The following ZZEF1 variants were observed in gnomAD, a reference collection of about 807,000 sequenced individuals.
The protein encoded by ZZEF1 is zinc finger ZZ-type and EF-hand domain containing 1.
A neutral mutation model predicts 342.8 loss-of-function variants in ZZEF1; 157 were observed. The ratio of observed to expected loss-of-function variants is 0.46; its 90% CI spans 0.40 to 0.52. The LOEUF is 0.52. Among genes scored for constraint, ZZEF1 ranks in the 20% least tolerant of loss-of-function variants. ZZEF1 has a pLI of 0.00. For missense variants in ZZEF1, 3,480 were observed against 3,725.6 expected (o/e 0.93, Z 1.72); for synonymous variants, 1,505 against 1,429.1 (o/e 1.05, Z -1.20).
chr17:4,090,857 CATTTT>C, intron 11 of ZZEF1, 27 bp from the exon 12 acceptor site: 2 of 1,582,532 alleles, frequency 1.3e-6, no homozygotes, highest in Middle Eastern at 1.7e-4. Flanking sequence ...ATTCACAAAA[CATTTT>C]ATTTTGAAAC....
At chr17:4,118,344 C>A (rs777634819) in intron 2 of ZZEF1, among the ~76,000 whole-genome samples, 2 of 152,126 alleles carry the variant, frequency 1.3e-5, no homozygotes, top group East Asian at 3.8e-4. Flanking sequence ...TCAGTTTCTA[C>A]CAAGGCCCGG....
chr17:4,087,589 T>C, intron 13 of ZZEF1, 55 bp from the exon 14 acceptor site: 2 of 1,436,900 alleles, frequency 1.4e-6, no homozygotes, highest in Non-Finnish European at 1.9e-6. Flanking sequence ...TTTAGAGAAA[T>C]ACTGTAATGC....
In ZZEF1 at chr17:4,017,923, A is replaced by G. The variant is rs752375926; in HGVS notation, c.7554T>C (p.Ala2518=). 4 of 1,614,020 alleles carry G rather than the reference A, an allele frequency of 2.5e-6. No homozygotes were observed. The South Asian group carries it at 4.4e-5, about 18-fold the overall frequency. Residue 2518 remains alanine, a synonymous_variant, in exon 47 of 55, where the codon GCT becomes GCC. Transcript: ENST00000381638. This position sits in a 1 kb window ranked among gnomAD's most constrained non-coding sequence, Gnocchi z 5.1. ...LTTDERIRSL[A]QRWQPSKSLR... is the part of the protein sequence containing the mutation. ...GACTCTTACTGGGCTGCCACCGCTGAGCCAGGGACCGTATCCTTTCATCTG... is the reference window on the plus strand; with the variant it reads ...GACTCTTACTGGGCTGCCACCGCTGGGCCAGGGACCGTATCCTTTCATCTG...
chr17:4,091,689 A>G (rs1312983647), intron 11 of ZZEF1, among the ~76,000 whole-genome samples: 1 of 151,962 alleles, frequency 6.6e-6, no homozygotes, highest in East Asian at 1.9e-4. Flanking sequence ...AGGCAGGGGA[A>G]TCACTTGAAC....
chr17:4,044,558 C>T (rs979131667), intron 37 of ZZEF1, among the ~76,000 whole-genome samples, 184 bp from the exon 38 acceptor site: 1 of 152,080 alleles, frequency 6.6e-6, no homozygotes, highest in South Asian at 2.1e-4. Context: ...CTCACTCTGT[C>T]ACCAGGCTAG....
rs2144961115 is a variant in ZZEF1, at chr17:4,017,713, A to G, written c.7659T>C (p.Cys2553=). Reference sequence around the variant, plus strand: ...GGTTCGATTCAGCAGTGGCTTGGTCACAGCGTGCAGGCCGGGACTGCAAAC... The same window carrying G: ...GGTTCGATTCAGCAGTGGCTTGGTCGCAGCGTGCAGGCCGGGACTGCAAAC... ...ILPCLSRPAR[C]DQATAESNPV... Residue 2553 remains cysteine (C), a synonymous_variant, in exon 48 of 55, where the codon TGT becomes TGC. Transcript: ENST00000381638. This position sits in a 1 kb window ranked among gnomAD's most constrained non-coding sequence, Gnocchi z 5.1. The G allele has an allele frequency of 1.9e-6, 3 of 1,613,056 alleles. No homozygotes were observed. The highest frequency in any genetic ancestry group is 1.7e-6 in the Non-Finnish European group (2 of 1,179,718).
At chr17:4,136,863 G>A (rs751331431) in intron 1 of ZZEF1, among the ~76,000 whole-genome samples, 3 of 151,862 alleles carry the variant, frequency 2.0e-5, no homozygotes, top group Admixed American at 1.3e-4. Flanking sequence ...TTTGCCAGGC[G>A]AATTCTTCCA....
At chr17:4,052,171 T>G in intron 34 of ZZEF1, 35 bp from the exon 35 acceptor site, 1 of 1,571,714 alleles carries the variant, frequency 6.4e-7, no homozygotes, top group Non-Finnish European at 8.6e-7. Flanking sequence ...GGGGATGAGG[T>G]AGAGGGCTCC....
In ZZEF1 at chr17:4,008,398, TTTGC is replaced by T; in HGVS notation, c.8805+481_8805+484del. 2 of 430,938 alleles carry T rather than the reference TTTGC, an allele frequency of 4.6e-6. No individual in the cohort carries two copies. Among genetic ancestry groups the T allele is most frequent in the South Asian group, 2.0e-4 (2 of 10,166 alleles). The allele number at this position is 430,938 out of a possible 1,614,324, so 26.7% of individuals were successfully genotyped here. On this transcript the variant is annotated intron_variant, in intron 54 of 54. Coordinates refer to ENST00000381638, the MANE Select transcript of ZZEF1 (RefSeq NM_015113.4). This position sits in a 1 kb window ranked among gnomAD's most constrained non-coding sequence, Gnocchi z 4.2. ...AAATAAATTGATAAAGGTTTACACTTTTGCTTAATTTTTAAATTGAAAATCTCGT... is the reference window on the plus strand; with the variant it reads ...AAATAAATTGATAAAGGTTTACACTTTTAATTTTTAAATTGAAAATCTCGT...
At chr17:4,099,473 C>G (rs1452778735) in intron 9 of ZZEF1, among the ~76,000 whole-genome samples, 2 of 152,076 alleles carry the variant, frequency 1.3e-5, no homozygotes, top group Non-Finnish European at 2.9e-5. Context: ...CCTCCCACCT[C>G]TGCCTCCCAA....
chr17:4,088,702 A>T lies in ZZEF1; in HGVS notation c.2217T>A (p.Phe739Leu). Reference protein sequence around the residue: ...GATLLLRTLQFIQQLAHDLVQ... With the variant: ...GATLLLRTLQLIQQLAHDLVQ... ...CCAGGTCATGGGCGAGCTGCTGGAT[A>T]AACTGAAGGGTCCTGAGGAGCAACG... The change falls in exon 13 of 55, where the codon TTT becomes TTA. Residue 739 changes from phenylalanine (F) to leucine (L), a missense_variant. Physicochemically the swap from Phe to Leu is conservative, Grantham distance 22. Coordinates refer to ENST00000381638, the MANE Select transcript of ZZEF1 (RefSeq NM_015113.4). 6.2e-7 allele frequency: 1 copy of T among 1,614,048 alleles called. No individual in the cohort carries two copies. The highest frequency in any genetic ancestry group is 1.3e-5 in the African/African-American group (1 of 75,058).
At position 4,081,613 on chromosome 17, in the gene ZZEF1, T is replaced by A. The variant is rs2057725649; in HGVS notation, c.2715-123A>T. On this transcript the variant is annotated intron_variant, in intron 17 of 54. Coordinates refer to ENST00000381638, the MANE Select transcript of ZZEF1 (RefSeq NM_015113.4). ...GTCATTTCCATGGGATGGGAGGAGTTTGGGTCAGGAATACAGGCTGTGGAC... is the reference window on the plus strand; with the variant it reads ...GTCATTTCCATGGGATGGGAGGAGTATGGGTCAGGAATACAGGCTGTGGAC... 3 of 797,866 alleles carry A rather than the reference T, an allele frequency of 3.8e-6. 1 individual carries two copies. In the Middle Eastern group the frequency reaches 1.1e-3, roughly 290 times the overall value. 49.4% of individuals were successfully genotyped at this position (797,866 alleles called of 1,614,324 possible). A position where few individuals can be genotyped will look rare whatever the true frequency, so the allele number is the denominator to read the frequency against.
chr17:4,113,148 T>G (rs1179584276), intron 4 of ZZEF1, among the ~76,000 whole-genome samples: 3 of 152,248 alleles, frequency 2.0e-5, no homozygotes, highest in Non-Finnish European at 4.4e-5. Flanking sequence ...CTCTCTCATC[T>G]ATAAATTAGA....
intron 39 of ZZEF1, among the ~76,000 whole-genome samples, chr17:4,041,687 A>T (rs1170493665): frequency 6.6e-6 from 1 of 152,210 alleles, no homozygotes; most frequent in East Asian, 1.9e-4. Context: ...AAATGACACT[A>T]AAGTTCATAT....
At chr17:4,118,014 TAAC>T (rs756382010) in intron 2 of ZZEF1, among the ~76,000 whole-genome samples, 7 of 152,124 alleles carry the variant, frequency 4.6e-5, no homozygotes, top group Non-Finnish European at 1.0e-4. Flanking sequence ...CTATCCTTTT[TAAC>T]AACTGAGGAA....
At chr17:4,134,997 A>G (rs2058726181) in intron 1 of ZZEF1, among the ~76,000 whole-genome samples, 1 of 152,186 alleles carries the variant, frequency 6.6e-6, no homozygotes, top group Admixed American at 6.5e-5. Flanking sequence ...GGAAAGGAAC[A>G]GGGCAGGTGA....
At chr17:4,095,237 C>T (rs1276977599) in intron 11 of ZZEF1, among the ~76,000 whole-genome samples, 3 of 152,188 alleles carry the variant, frequency 2.0e-5, no homozygotes, top group African/African-American at 7.2e-5. Context: ...ACTCATCCTT[C>T]ATAAACAGCA....
intron 26 of ZZEF1, among the ~76,000 whole-genome samples, chr17:4,069,561 G>A (rs1255059310): frequency 1.3e-5 from 2 of 152,228 alleles, no homozygotes; most frequent in Admixed American, 1.3e-4. Flanking sequence ...GCTGGGCGCG[G>A]TACTCACGTC....
chr17:4,133,733 T>TC (rs2058705457), intron 1 of ZZEF1, among the ~76,000 whole-genome samples: 1 of 150,006 alleles, frequency 6.7e-6, no homozygotes. Context: ...TTTTTTTTTT[T>TC]CTTTTTGAGA....
Sources: allele counts gnomAD v4.1 joint callset (sites outside exome capture counted in the v4.1 genomes callset), GRCh38; gene constraint gnomAD v4.1.1; non-coding constraint Gnocchi (gnomAD v3.1); transcripts MANE v1.5; gene names NCBI Gene and HGNC (gene_info 2026-07-23, HGNC 2026-07-21).